PARD3B: variants seen among roughly 807,000 people sequenced by gnomAD.
PARD3B encodes par-3 family cell polarity regulator beta.
PARD3B carries 103 observed loss-of-function variants against 130.2 expected under a neutral mutation model. That is an observed-to-expected ratio of 0.79 (90% CI 0.67 to 0.93). The LOEUF is 0.93. Among genes scored for constraint, PARD3B ranks in the 40% least tolerant of loss-of-function variants. The pLI is 0.00. For missense variants in PARD3B, 1,609 were observed against 1,499.2 expected (o/e 1.07, Z -1.21); for synonymous variants, 583 against 553.2 (o/e 1.05, Z -0.76).
rs181344925 is a variant in PARD3B, at chr2:205,104,879, G to C, written c.593+365G>C. ...ACCAAATCCTAGCCACTAGACCACCGGGGAACCCTAAATTTAGCTCTTTGA... is the reference window on the plus strand; with the variant it reads ...ACCAAATCCTAGCCACTAGACCACCCGGGAACCCTAAATTTAGCTCTTTGA... On this transcript the variant is annotated intron_variant, in intron 5 of 22. Coordinates refer to ENST00000406610, the MANE Select transcript of PARD3B (RefSeq NM_001302769.2). Among the ~76,000 whole-genome samples, 255 of 152,158 alleles carry C rather than the reference G, an allele frequency of 1.7e-3. 1 individual carries two copies. Among genetic ancestry groups the C allele is most frequent in the Non-Finnish European group, 3.0e-3 (206 of 68,008 alleles).
intron 1 of PARD3B, among the ~76,000 whole-genome samples, chr2:204,645,215 T>G (rs900141646): frequency 1.3e-5 from 2 of 152,150 alleles, no homozygotes; most frequent in African/African-American, 4.8e-5. Context: ...GGTATTTACT[T>G]AACTATATTA....
intron 1 of PARD3B, among the ~76,000 whole-genome samples, chr2:204,626,743 T>C (rs562775239): frequency 6.6e-6 from 1 of 152,298 alleles, no homozygotes; most frequent in South Asian, 2.1e-4. Context: ...GTGATGTGTT[T>C]GTTTTATTAT....
chr2:205,023,828 A>G (rs1050905327), intron 3 of PARD3B, among the ~76,000 whole-genome samples: 2 of 152,082 alleles, frequency 1.3e-5, no homozygotes, highest in Non-Finnish European at 1.5e-5. Context: ...AAAAAAACAG[A>G]TGTGTATTTA....
rs1293369027 is a variant in PARD3B at position 205,183,489 on chromosome 2, C to T, written c.1925-2275C>T. On this transcript the variant is annotated intron_variant, in intron 13 of 22. Transcript: ENST00000406610. The surrounding 1 kb of genome is among the most constrained non-coding windows in gnomAD (Gnocchi z 5.2). ...CAAGTCTTGAATGCCTGACTGCTGC[C>T]ACCACTAACAAATCAATGGGCCCCT... Among the ~76,000 whole-genome samples the T allele has an allele frequency of 1.3e-5, 2 of 152,102 alleles. No homozygotes were observed. Among genetic ancestry groups the T allele is most frequent in the East Asian group, 3.9e-4 (2 of 5,174 alleles).
At chr2:205,061,850 C>A (rs73057119) in intron 4 of PARD3B, among the ~76,000 whole-genome samples, 1 of 151,210 alleles carries the variant, frequency 6.6e-6, no homozygotes, top group Admixed American at 6.6e-5. Flanking sequence ...ATTGGAACTA[C>A]ATCAATGAAC....
At chr2:205,524,927 A>G (rs950512298) in intron 21 of PARD3B, among the ~76,000 whole-genome samples, 3 of 152,152 alleles carry the variant, frequency 2.0e-5, no homozygotes, top group African/African-American at 7.2e-5. Flanking sequence ...GCGGTTGGTC[A>G]TTTCAGCCAG....
intron 3 of PARD3B, among the ~76,000 whole-genome samples, chr2:204,994,799 T>A (rs2125252727): frequency 6.7e-6 from 1 of 148,746 alleles, no homozygotes; most frequent in Non-Finnish European, 1.5e-5. Flanking sequence ...GATAGTTAGC[T>A]CCTCTTGTTG....
chr2:205,137,704 GA>G, intron 10 of PARD3B, among the ~76,000 whole-genome samples: 1 of 152,194 alleles, frequency 6.6e-6, no homozygotes, highest in African/African-American at 2.4e-5. Flanking sequence ...GGAAGGCCCA[GA>G]ATGGCCTTCC....
At chr2:205,593,936 A>G (rs377500221) in intron 22 of PARD3B, among the ~76,000 whole-genome samples, 7 of 152,320 alleles carry the variant, frequency 4.6e-5, no homozygotes, top group East Asian at 1.9e-4. Flanking sequence ...GCTGTCACCC[A>G]TATCATTTCA....
Position 204,870,171 on chromosome 2 carries a change from G to C in PARD3B, c.223-94981G>C, listed in dbSNP as rs184168554. Among the ~76,000 whole-genome samples the C allele has an allele frequency of 7.1e-4, 108 of 152,216 alleles. 1 individual carries two copies. The highest frequency in any genetic ancestry group is 2.5e-3 in the African/African-American group (104 of 41,536). On this transcript the variant is annotated intron_variant, in intron 2 of 22. Coordinates refer to ENST00000406610, the MANE Select transcript of PARD3B (RefSeq NM_001302769.2). ...CCAAGGCCCCCAATATAAGCATTTT[G>C]GATGGGGTGGTAGAGAAAGTCCCCT...
intron 18 of PARD3B, among the ~76,000 whole-genome samples, chr2:205,343,195 C>T (rs2043606738): frequency 6.6e-6 from 1 of 152,150 alleles, no homozygotes; most frequent in South Asian, 2.1e-4. Flanking sequence ...TGGATGAAGC[C>T]CCCGACTGTA....
intron 20 of PARD3B, among the ~76,000 whole-genome samples, chr2:205,456,938 T>G (rs2048297285): frequency 6.6e-6 from 1 of 150,616 alleles, no homozygotes. Flanking sequence ...ATTTAATAAA[T>G]TTAATAAATC....
intron 1 of PARD3B, among the ~76,000 whole-genome samples, chr2:204,598,202 T>C (rs1252394576): frequency 6.6e-6 from 1 of 152,222 alleles, no homozygotes. Context: ...CTATCTTACC[T>C]GTTTCCTGGG....
chr2:204,555,050 G>A (rs2030820808), intron 1 of PARD3B, among the ~76,000 whole-genome samples: 1 of 152,198 alleles, frequency 6.6e-6, no homozygotes, highest in Non-Finnish European at 1.5e-5. Context: ...TATGTGATCA[G>A]TCTGCAGTAA....
chr2:205,527,494 G>C (rs998436115), intron 21 of PARD3B, among the ~76,000 whole-genome samples: 2 of 152,086 alleles, frequency 1.3e-5, no homozygotes, highest in African/African-American at 2.4e-5. Context: ...AGTTTCAGTT[G>C]GCTACAGCAT....
chr2:205,182,560 G>A (rs1255456941), intron 13 of PARD3B, among the ~76,000 whole-genome samples: 1 of 152,172 alleles, frequency 6.6e-6, no homozygotes, highest in Non-Finnish European at 1.5e-5. Flanking sequence ...CTACAGTCTA[G>A]TAAAAGAAAT....
chr2:205,589,255 C>T lies in PARD3B; in HGVS notation c.3261-26201C>T, dbSNP rs1477175997. Among the ~76,000 whole-genome samples the T allele has an allele frequency of 6.6e-6, 1 of 152,214 alleles. No individual in the cohort carries two copies. The highest frequency in any genetic ancestry group is 1.5e-5 in the Non-Finnish European group (1 of 68,038). Reference sequence around the variant, plus strand: ...GTAGTAAGCTGTGATCGCACCACTGCCCTGCAGCCTGGGTGGTGAAGCGAG... The same window carrying T: ...GTAGTAAGCTGTGATCGCACCACTGTCCTGCAGCCTGGGTGGTGAAGCGAG... On this transcript the variant is annotated intron_variant, in intron 22 of 22. Coordinates refer to ENST00000406610, the MANE Select transcript of PARD3B (RefSeq NM_001302769.2). The surrounding 1 kb of genome is among the most constrained non-coding windows in gnomAD (Gnocchi z 4.1).
chr2:205,437,909 A>T (rs1420511428), intron 19 of PARD3B, among the ~76,000 whole-genome samples: 3 of 152,154 alleles, frequency 2.0e-5, no homozygotes, highest in African/African-American at 7.2e-5. Flanking sequence ...AGTGGAAATG[A>T]CTATAAACAA....
intron 3 of PARD3B, among the ~76,000 whole-genome samples, chr2:204,988,907 T>C (rs1693406695): frequency 6.6e-6 from 1 of 152,178 alleles, no homozygotes; most frequent in Non-Finnish European, 1.5e-5. Flanking sequence ...ATGAAAAGAA[T>C]GGACTGCTAC....
Sources: allele counts gnomAD v4.1 joint callset (sites outside exome capture counted in the v4.1 genomes callset), GRCh38; gene constraint gnomAD v4.1.1; non-coding constraint Gnocchi (gnomAD v3.1); transcripts MANE v1.5; gene names NCBI Gene and HGNC (gene_info 2026-07-23, HGNC 2026-07-21).